CLIC2: variants seen among roughly 807,000 people sequenced by gnomAD.
CLIC2 encodes the protein chloride intracellular channel protein 2.
A neutral mutation model predicts 14.8 loss-of-function variants in CLIC2; 9 were observed. The ratio of observed to expected loss-of-function variants is 0.61; its 90% CI spans 0.37 to 1.06. The LOEUF (loss-of-function observed/expected upper bound fraction) is 1.06. Among genes scored for constraint, CLIC2 ranks in the 50% least tolerant of loss-of-function variants. The pLI is 0.01. For missense variants in CLIC2, 148 were observed against 181.4 expected (o/e 0.82, Z 1.06); for synonymous variants, 61 against 66.3 (o/e 0.92, Z 0.39).
At chrX:155,292,581 T>G (rs908048515) in intron 3 of CLIC2, 2 of 368,615 alleles carry the variant, frequency 5.4e-6, no homozygotes, top group Non-Finnish European at 9.5e-6. Context: ...CCATCCTGGC[T>G]AACACGGTGA....
At chrX:155,330,834 C>T (rs2075154358) in intron 1 of CLIC2, among the ~76,000 whole-genome samples, 2 of 110,075 alleles carry the variant, frequency 1.8e-5, no homozygotes, top group Non-Finnish European at 3.8e-5. Context: ...TTGGAAGAAT[C>T]ATCTGTGTAG....
chrX:155,286,658 T>C (rs781931777), intron 3 of CLIC2, among the ~76,000 whole-genome samples: 4 of 112,310 alleles, frequency 3.6e-5, no homozygotes, highest in Non-Finnish European at 3.8e-5. Flanking sequence ...TCTTGACTTT[T>C]TATTTTTATT....
intron 1 of CLIC2, among the ~76,000 whole-genome samples, chrX:155,320,244 C>T (rs1372352660): frequency 8.9e-6 from 1 of 112,288 alleles, no homozygotes. Flanking sequence ...GGGTCCCTGA[C>T]CCCCGTGCCT....
intron 1 of CLIC2, among the ~76,000 whole-genome samples, chrX:155,305,255 G>A (rs907238160): frequency 5.3e-5 from 6 of 112,324 alleles, no homozygotes; most frequent in Admixed American, 9.4e-5. Context: ...GGGACCCTCC[G>A]AGCCAGGTGC....
At chrX:155,289,083 G>A (rs1262289721) in intron 3 of CLIC2, among the ~76,000 whole-genome samples, 1 of 109,876 alleles carries the variant, frequency 9.1e-6, no homozygotes, top group African/African-American at 3.3e-5. Context: ...GGCAGAGGTT[G>A]CAGTGAGCGG....
At chrX:155,283,674 A>T (rs782153142) in intron 3 of CLIC2, among the ~76,000 whole-genome samples, 17 of 107,640 alleles carry the variant, frequency 1.6e-4, no homozygotes, top group African/African-American at 5.1e-4. Flanking sequence ...TCCTTGCCAT[A>T]CTTTCTTGTT....
rs183441042 is a variant in CLIC2, at chrX:155,291,403, C to T, written c.293+7382G>A. On this transcript the variant is annotated intron_variant, in intron 3 of 5. Coordinates refer to ENST00000369449, the MANE Select transcript of CLIC2 (RefSeq NM_001289.6). ...GGCGGCGGCCACTAGCTCCTGGCTCCGATGCTGAGTGCAGCCGAGTATGGG... is the reference window on the plus strand; with the variant it reads ...GGCGGCGGCCACTAGCTCCTGGCTCTGATGCTGAGTGCAGCCGAGTATGGG... The T allele has an allele frequency of 1.0e-3, 579 of 551,689 alleles. 1 individual carries two copies. The highest frequency in any genetic ancestry group is 1.7e-3 in the Non-Finnish European group (523 of 309,114). 45.5% of individuals were successfully genotyped at this position (551,689 alleles called of 1,213,427 possible). A position where few individuals can be genotyped will look rare whatever the true frequency, so the allele number is the denominator to read the frequency against.
intron 1 of CLIC2, among the ~76,000 whole-genome samples, chrX:155,305,396 T>G (rs1047738551): frequency 3.9e-4 from 44 of 112,676 alleles, no homozygotes; most frequent in African/African-American, 1.0e-3. Flanking sequence ...GACCCCTTGC[T>G]CTTCCCAAGT....
chrX:155,333,157 A>G (rs1602966976), intron 1 of CLIC2, among the ~76,000 whole-genome samples: 1 of 111,927 alleles, frequency 8.9e-6, no homozygotes, highest in Middle Eastern at 4.6e-3. Flanking sequence ...CTGTTAAATA[A>G]TCTAACTGGC....
chrX:155,334,513 A>G lies in CLIC2; in HGVS notation c.-86T>C. The G allele has an allele frequency of 1.2e-6, 1 of 817,515 alleles. No homozygotes were observed. Among genetic ancestry groups the G allele is most frequent in the East Asian group, 3.1e-5 (1 of 31,969 alleles). The allele number at this position is 817,515 out of a possible 1,213,427, so 67.4% of individuals were successfully genotyped here. On this transcript the variant is annotated 5_prime_UTR_variant, in exon 1 of 6. Coordinates refer to ENST00000369449, the MANE Select transcript of CLIC2 (RefSeq NM_001289.6). ...ACTCTTTTCTCAATTTTATCCAAAG[A>G]CTCAAGTAATGTTGGTGCTTTAAGA...
chrX:155,318,320 C>G (rs1356709473), intron 1 of CLIC2, among the ~76,000 whole-genome samples: 2 of 111,678 alleles, frequency 1.8e-5, no homozygotes, highest in African/African-American at 6.5e-5. Context: ...AAGACTCATC[C>G]AAAAAGCTCC....
chrX:155,298,110 A>G (rs1260568247), intron 3 of CLIC2, among the ~76,000 whole-genome samples: 1 of 109,472 alleles, frequency 9.1e-6, no homozygotes, highest in Non-Finnish European at 1.9e-5. Flanking sequence ...TGGGCCCCAT[A>G]TGATAACTGT....
chrX:155,297,884 A>AAG (rs2074999393), intron 3 of CLIC2, among the ~76,000 whole-genome samples: 1,750 of 45,199 alleles, frequency 0.039, 317 homozygotes, highest in African/African-American at 0.093. Context: ...AAAAAAAAAA[A>AAG]AAGAAGGTGA....
Position 155,317,277 on chromosome X carries a change from G to A in CLIC2, c.57+17094C>T, listed in dbSNP as rs1432826851. 4.5e-5 allele frequency among the ~76,000 whole-genome samples: 5 copies of A among 111,811 alleles called. No homozygotes were observed. The Admixed American group carries it at 4.8e-4, about 11-fold the overall frequency. On this transcript the variant is annotated intron_variant, in intron 1 of 5. Transcript: ENST00000369449. ...CAAAAGATAAGTGAAACAAAAGCTT[G>A]TTATTGGAAAAGATAAATAAAATTG...
At chrX:155,314,506 A>G (rs1191101601) in intron 1 of CLIC2, among the ~76,000 whole-genome samples, 2 of 112,058 alleles carry the variant, frequency 1.8e-5, no homozygotes, top group Non-Finnish European at 3.8e-5. Flanking sequence ...TTCGGCTCTC[A>G]GGAAGCCCGA....
At chrX:155,330,586 G>A (rs1330160518) in intron 1 of CLIC2, among the ~76,000 whole-genome samples, 1 of 111,676 alleles carries the variant, frequency 9.0e-6, no homozygotes, top group Non-Finnish European at 1.9e-5. Flanking sequence ...ATGAAGTGAA[G>A]TGTAAAATGG....
chrX:155,303,910 C>T (rs2075032867), intron 1 of CLIC2, among the ~76,000 whole-genome samples: 1 of 105,708 alleles, frequency 9.5e-6, no homozygotes, highest in South Asian at 4.4e-4. Context: ...ATATTGGCCC[C>T]CACTCTCTTC....
chrX:155,309,127 A>C (rs1037072128), intron 1 of CLIC2, among the ~76,000 whole-genome samples: 2 of 111,085 alleles, frequency 1.8e-5, no homozygotes, highest in East Asian at 2.8e-4. Context: ...AGTAAAAAAA[A>C]CCCTCTGTCT....
At position 155,304,928 on chromosome X, in the gene CLIC2, T is replaced by A. The variant is rs1557319771; in HGVS notation, c.58-5783A>T. ...GTCAGGGACCCACTTGAGGAGGCAG[T>A]CTGCCCGTTCTCAGATCTCCAGCTG... On this transcript the variant is annotated intron_variant, in intron 1 of 5. Transcript: ENST00000369449. Among the ~76,000 whole-genome samples, 3 of 104,747 alleles carry A rather than the reference T, an allele frequency of 2.9e-5. No homozygotes were observed. In the South Asian group the frequency reaches 1.4e-3, roughly 49 times the overall value. 91.0% of individuals were successfully genotyped at this position (104,747 alleles called of 115,157 possible).
Sources: allele counts gnomAD v4.1 joint callset (sites outside exome capture counted in the v4.1 genomes callset), GRCh38; gene constraint gnomAD v4.1.1; transcripts MANE v1.5; gene names NCBI Gene and HGNC (gene_info 2026-07-23, HGNC 2026-07-21).